RIPK1: variants seen among roughly 807,000 people sequenced by gnomAD.
The protein encoded by RIPK1 is receptor-interacting serine/threonine-protein kinase 1.
Under a neutral mutation model 62.4 loss-of-function variants are expected in RIPK1, and 27 were observed. That is an observed-to-expected ratio of 0.43 (90% CI 0.32 to 0.60). The LOEUF (loss-of-function observed/expected upper bound fraction) is 0.60. RIPK1 is among the 20% of genes least tolerant of loss of function. The probability of loss-of-function intolerance (pLI) is 0.07; values close to 1 mark genes in which losing one functional copy is unlikely to be tolerated. For synonymous variants in RIPK1, 287 were observed against 303.2 expected (o/e 0.95, Z 0.55); for missense variants, 735 against 831.0 (o/e 0.88, Z 1.42).
At position 3,105,334 on chromosome 6, in the gene RIPK1, A is replaced by G. The variant is rs370022969; in HGVS notation, c.1007-148A>G. On this transcript the variant is annotated intron_variant, in intron 8 of 10. Transcript: ENST00000259808. The surrounding 1 kb of genome is among the most constrained non-coding windows in gnomAD (Gnocchi z 4.5). ...ATTATTATTTGTAAAGCTTGTGGGA[A>G]GAGGACCATCTCCTAAATGCTTTGG... The G allele has an allele frequency of 3.3e-6, 2 of 608,434 alleles. No individual in the cohort carries two copies. The allele number at this position is 608,434 out of a possible 1,614,324, so 37.7% of individuals were successfully genotyped here. A position where few individuals can be genotyped will look rare whatever the true frequency, so the allele number is the denominator to read the frequency against.
rs564161559 is a variant in RIPK1 at position 3,082,998 on chromosome 6, A to G, written c.460-87A>G. 15 of 1,318,272 alleles carry G rather than the reference A, an allele frequency of 1.1e-5. No homozygotes were observed. In the East Asian group the frequency reaches 3.5e-4, roughly 30 times the overall value. 81.7% of individuals were successfully genotyped at this position (1,318,272 alleles called of 1,614,324 possible). On this transcript the variant is annotated intron_variant, in intron 4 of 10. Coordinates refer to ENST00000259808, the MANE Select transcript of RIPK1 (RefSeq NM_001354930.2). Reference sequence around the variant, plus strand: ...CTGGAAAATTTACCGTACCTTATGTATAATGGATAAGCCCAAAATTGAAAG... The same window carrying G: ...CTGGAAAATTTACCGTACCTTATGTGTAATGGATAAGCCCAAAATTGAAAG...
chr6:3,103,307 T>TA (rs144719940), intron 7 of RIPK1, among the ~76,000 whole-genome samples: 7,322 of 151,788 alleles, frequency 0.048, 583 homozygotes, highest in African/African-American at 0.16. Context: ...TTTATTTATT[T>TA]TTTTTTTGGA....
intron 6 of RIPK1, among the ~76,000 whole-genome samples, chr6:3,086,037 CTTCTT>C (rs951056610): frequency 6.6e-6 from 1 of 152,194 alleles, no homozygotes; most frequent in African/African-American, 2.4e-5. Flanking sequence ...TGCTTCTTCA[CTTCTT>C]TTATTTCCAT....
At position 3,083,189 on chromosome 6, in the gene RIPK1, C is replaced by T. The variant is rs55662281; in HGVS notation, c.564C>T (p.Gly188=). 6 of 1,614,068 alleles carry T rather than the reference C, an allele frequency of 3.7e-6. No individual in the cohort carries two copies. Among genetic ancestry groups the T allele is most frequent in the Non-Finnish European group, 5.1e-6 (6 of 1,179,980 alleles). ...EVDGTAKKNG[G]TLYYMAPEHL... is the part of the protein sequence containing the mutation. ...ACGGCACCGCTAAGAAGAATGGCGG[C>T]ACCCTCTACTACATGGCGCCCGAGC... The change falls in exon 5 of 11, where the codon GGC becomes GGT. Residue 188 remains glycine (G), a synonymous_variant. Coordinates refer to ENST00000259808, the MANE Select transcript of RIPK1 (RefSeq NM_001354930.2).
chr6:3,076,953 A>C lies in RIPK1; in HGVS notation c.130A>C (p.Met44Leu), dbSNP rs1393554291. The C allele has an allele frequency of 1.3e-6, 2 of 1,586,298 alleles. No homozygotes were observed. Among genetic ancestry groups the C allele is most frequent in the South Asian group, 2.2e-5 (2 of 90,342 alleles). Residue 44 changes from methionine (M) to leucine (L), a missense_variant, in exon 2 of 11, where the codon ATG becomes CTG. By Grantham distance (15) the Met-to-Leu change is conservative. Transcript: ENST00000259808. ...CFHRTQGLMI[M>L]KTVYKGPNCI... ...CCACAGAACCCAGGGACTCATGATC[A>C]TGAAAACAGTGTACAAGGGGCCCAA... is the stretch of plus-strand genomic sequence containing the variant.
rs1027945768 is a variant in RIPK1, at chr6:3,072,966, A to G, written c.-60-3798A>G. Among the ~76,000 whole-genome samples the G allele has an allele frequency of 3.3e-5, 5 of 152,188 alleles. No individual in the cohort carries two copies. Among genetic ancestry groups the G allele is most frequent in the African/African-American group, 4.8e-5 (2 of 41,438 alleles). ...TTGGTCAGTAGGGCCCTGCTGACAG[A>G]GTGATCCCAGCTGAGAATGTTGGCA... is the stretch of plus-strand genomic sequence containing the variant. On this transcript the variant is annotated intron_variant, in intron 1 of 10. Coordinates refer to ENST00000259808, the MANE Select transcript of RIPK1 (RefSeq NM_001354930.2). This position sits in a 1 kb window ranked among gnomAD's most constrained non-coding sequence, Gnocchi z 5.6.
At chr6:3,077,073 C>A in intron 2 of RIPK1, 86 bp downstream of exon 2, 1 of 1,321,680 alleles carries the variant, frequency 7.6e-7, no homozygotes, top group South Asian at 1.5e-5. Context: ...GCTGCGGAGC[C>A]GTTGGTGGGT....
chr6:3,072,816 A>G lies in RIPK1; in HGVS notation c.-60-3948A>G, dbSNP rs1758800246. 6.6e-6 allele frequency among the ~76,000 whole-genome samples: 1 copy of G among 152,148 alleles called. No homozygotes were observed. Among genetic ancestry groups the G allele is most frequent in the South Asian group, 2.1e-4 (1 of 4,826 alleles). On this transcript the variant is annotated intron_variant, in intron 1 of 10. Coordinates refer to ENST00000259808, the MANE Select transcript of RIPK1 (RefSeq NM_001354930.2). The surrounding 1 kb of genome is among the most constrained non-coding windows in gnomAD (Gnocchi z 5.6). ...AGGGTGGGGCGGATGACCCTTATGG[A>G]ATGGGGAAGGCTTCACAGTTCTGCC...
At chr6:3,080,119 T>TTAACAGTG (rs1421742189) in intron 3 of RIPK1, among the ~76,000 whole-genome samples, 2 of 152,250 alleles carry the variant, frequency 1.3e-5, no homozygotes, top group Non-Finnish European at 2.9e-5. Context: ...GATCAAGCTA[T>TTAACAGTG]TAACAGTGTA....
chr6:3,105,632 T>C lies in RIPK1; in HGVS notation c.1157T>C (p.Leu386Pro). 1 of 1,614,062 alleles carries C rather than the reference T, an allele frequency of 6.2e-7. No individual in the cohort carries two copies. Among genetic ancestry groups the C allele is most frequent in the South Asian group, 1.1e-5 (1 of 91,072 alleles). ...CTCCAAGACGAAGCCAACTACCATC[T>C]TTATGGCAGCCGCATGGACAGGCAG... Reference protein sequence around the residue: ...SKLQDEANYHLYGSRMDRQTK... With the variant: ...SKLQDEANYHPYGSRMDRQTK... Residue 386 changes from leucine (L) to proline (P), a missense_variant, in exon 9 of 11, where the codon CTT (leucine) becomes CCT (proline). Physicochemically the swap from Leu to Pro is moderately conservative, Grantham distance 98 (BLOSUM62 -3). This residue lies in a region of RIPK1 where 671 missense variants were observed against 726.2 expected (regional missense o/e 0.92). Coordinates refer to ENST00000259808, the MANE Select transcript of RIPK1 (RefSeq NM_001354930.2). The surrounding 1 kb of genome is among the most constrained non-coding windows in gnomAD (Gnocchi z 4.5).
intron 1 of RIPK1, among the ~76,000 whole-genome samples, chr6:3,069,663 T>A (rs6913121): frequency 0.16 from 23,732 of 152,224 alleles, 1,947 homozygotes; most frequent in South Asian, 0.18. Flanking sequence ...CTCATCTGCA[T>A]TCTGTGACTG....
At chr6:3,108,663 A>G (rs886839429) in intron 9 of RIPK1, among the ~76,000 whole-genome samples, 1 of 152,118 alleles carries the variant, frequency 6.6e-6, no homozygotes, top group East Asian at 1.9e-4. Flanking sequence ...CACTGTTATT[A>G]TCATTGTCAG....
At chr6:3,086,070 T>G (rs941107576) in intron 6 of RIPK1, among the ~76,000 whole-genome samples, 1 of 45,174 alleles carries the variant, frequency 2.2e-5, no homozygotes, top group Non-Finnish European at 2.1e-4. Context: ...CTTGTTTAGC[T>G]GGCATCTTTA....
At chr6:3,101,264 CA>C (rs1561770458) in intron 7 of RIPK1, among the ~76,000 whole-genome samples, 1 of 151,916 alleles carries the variant, frequency 6.6e-6, no homozygotes, top group Admixed American at 6.6e-5. Context: ...AGAAAAAAAA[CA>C]ACAAAAAACC....
intron 7 of RIPK1, among the ~76,000 whole-genome samples, chr6:3,094,049 C>CCTACCTGCAGCACCTAGTAACTGCAGCGT (rs1760131420): frequency 8.5e-6 from 1 of 117,078 alleles, no homozygotes; most frequent in African/African-American, 6.5e-5. Flanking sequence ...AACTGCAGCG[C>CCTACCTGCAGCACCTAGTAACTGCAGCGT]GCCTACCTGC....
At chr6:3,095,261 G>T (rs1760227923) in intron 7 of RIPK1, among the ~76,000 whole-genome samples, 1 of 152,098 alleles carries the variant, frequency 6.6e-6, no homozygotes, top group Admixed American at 6.5e-5. Flanking sequence ...CTCAAATAGA[G>T]ATAGAAACTT....
At chr6:3,078,904 TG>T (rs1378726194) in intron 3 of RIPK1, among the ~76,000 whole-genome samples, 2 of 150,930 alleles carry the variant, frequency 1.3e-5, no homozygotes, top group African/African-American at 2.5e-5. Context: ...TATGGTGTGA[TG>T]GGGTTTTTTT....
intron 1 of RIPK1, among the ~76,000 whole-genome samples, chr6:3,076,539 C>T (rs1170374761): frequency 6.6e-6 from 1 of 151,352 alleles, no homozygotes; most frequent in African/African-American, 2.4e-5. Context: ...ATCAGCTGGT[C>T]ACGGTGGGGT....
upstream of RIPK1, among the ~76,000 whole-genome samples, chr6:3,066,847 C>T (rs570758183): frequency 8.5e-5 from 13 of 152,214 alleles, 1 homozygote; most frequent in South Asian, 1.2e-3. Context: ...AACCCTGTAA[C>T]GTCAGACTCC....
Sources: gnomAD v4.1 joint callset for allele counts (sites outside exome capture counted in the v4.1 genomes callset) on GRCh38, gnomAD v4.1.1 for gene constraint, gnomAD v4.1.1 regional missense constraint, Gnocchi (gnomAD v3.1) non-coding constraint, MANE v1.5 for transcripts, NCBI Gene and HGNC (gene_info 2026-07-23, HGNC 2026-07-21) for gene names.